Variants in NBPF8 observed in about 807,000 individuals in gnomAD.
NBPF8 encodes NBPF member 8.
At chr1:120,436,834 A>C (rs1458444185) in intron 1 of NBPF8, 137 bp downstream of exon 4, 2 of 566,344 alleles carry the variant, frequency 3.5e-6, no homozygotes, top group Non-Finnish European at 6.0e-6. Flanking sequence ...GTATTTTAAC[A>C]TTTTGTTAAA....
chr1:120,430,220 GTATT>G, intron 3 of NBPF8, among the ~76,000 whole-genome samples: 1 of 74,356 alleles, frequency 1.3e-5, no homozygotes. Flanking sequence ...AATTAATAAA[GTATT>G]GAAAAGAAAG....
intron 1 of NBPF8, among the ~76,000 whole-genome samples, chr1:120,420,792 T>C (rs1341847275): frequency 2.7e-5 from 4 of 148,994 alleles, no homozygotes; most frequent in Non-Finnish European, 3.0e-5. Context: ...GGGTGACTAT[T>C]AGGCACCATG....
At chr1:120,425,112 T>C (rs1229091438) in intron 1 of NBPF8, among the ~76,000 whole-genome samples, 8 of 151,478 alleles carry the variant, frequency 5.3e-5, no homozygotes, top group Non-Finnish European at 1.0e-4. Flanking sequence ...CATGTGATAG[T>C]CTGAAATACA....
At chr1:120,464,348 T>A in intron 22 of NBPF8, 28 bp from the exon 21 acceptor site, 1 of 786,342 alleles carries the variant, frequency 1.3e-6, no homozygotes, top group African/African-American at 2.0e-5. Flanking sequence ...TCCCCTGGCG[T>A]ATTCTTTACT....
At chr1:120,450,430 C>G (rs1469476322) in intron 11 of NBPF8, among the ~76,000 whole-genome samples, 8 of 151,896 alleles carry the variant, frequency 5.3e-5, no homozygotes, top group Non-Finnish European at 8.8e-5. Context: ...AGTTGCTTGT[C>G]TTGTCTGTCC....
At chr1:120,427,842 A>G (rs1660764073) in exon 3 of NBPF8, among the ~76,000 whole-genome samples, 1 of 146,584 alleles carries the variant, frequency 6.8e-6, no homozygotes, top group Non-Finnish European at 1.5e-5. Flanking sequence ...GAGCCTATGG[A>G]TCAAGGTGCG....
At chr1:120,468,884 C>T (rs1378321671), downstream of NBPF8, among the ~76,000 whole-genome samples, 7 of 151,594 alleles carry the variant, frequency 4.6e-5, no homozygotes, top group Non-Finnish European at 8.8e-5. Context: ...CGTGTGGCTC[C>T]CAGACCTGGC....
At chr1:120,423,009 A>T in intron 1 of NBPF8, among the ~76,000 whole-genome samples, 1 of 90,602 alleles carries the variant, frequency 1.1e-5, no homozygotes, top group African/African-American at 5.6e-5. Flanking sequence ...AGAATTCTTC[A>T]TATATTTTGG....
exon 25 of NBPF8, chr1:120,466,062 C>A (rs1281831788): frequency 6.2e-7 from 1 of 1,611,854 alleles, no homozygotes; most frequent in Non-Finnish European, 8.5e-7. Context: ...CATCAATGTA[C>A]TGTGAACTAC....
intron 15 of NBPF8, among the ~76,000 whole-genome samples, chr1:120,454,659 T>C (rs1366362764): frequency 0.011 from 1,551 of 141,482 alleles, 13 homozygotes; most frequent in Non-Finnish European, 0.017. Context: ...TTCTCCACCC[T>C]GTCAATGCAA....
chr1:120,455,086 C>T (rs1661399267), intron 15 of NBPF8, among the ~76,000 whole-genome samples: 1 of 149,134 alleles, frequency 6.7e-6, no homozygotes, highest in South Asian at 2.2e-4. Context: ...GATATAAGTC[C>T]ATATCGCAGC....
intron 22 of NBPF8, among the ~76,000 whole-genome samples, chr1:120,464,146 TG>T: frequency 2.1e-5 from 2 of 96,690 alleles, no homozygotes; most frequent in African/African-American, 1.2e-4. Flanking sequence ...TGTGTGTGTG[TG>T]TGTGTGTGTG....
At chr1:120,419,656 C>G (rs1294026299), upstream of NBPF8, among the ~76,000 whole-genome samples, 52 of 147,492 alleles carry the variant, frequency 3.5e-4, no homozygotes, top group African/African-American at 1.3e-3. Flanking sequence ...GAGATGGGGT[C>G]TTACTATGTT....
At chr1:120,424,487 C>T (rs1440070366) in intron 1 of NBPF8, among the ~76,000 whole-genome samples, 1 of 151,842 alleles carries the variant, frequency 6.6e-6, no homozygotes, top group Non-Finnish European at 1.5e-5. Flanking sequence ...TTTCTCTTTT[C>T]CTTGGGCTCA....
chr1:120,464,582 A>G, intron 23 of NBPF8, 34 bp downstream of exon 21: 1 of 779,302 alleles, frequency 1.3e-6, no homozygotes, highest in Non-Finnish European at 2.4e-6. Flanking sequence ...ATAAGGATCC[A>G]CTGAGTCTTC....
At chr1:120,416,742 T>A (rs1425408100), upstream of NBPF8, among the ~76,000 whole-genome samples, 10 of 151,728 alleles carry the variant, frequency 6.6e-5, no homozygotes, top group Non-Finnish European at 1.2e-4. Flanking sequence ...GGTATATGAA[T>A]GATAAAACTT....
upstream of NBPF8, among the ~76,000 whole-genome samples, chr1:120,435,877 A>AAAGTC (rs1243404123): frequency 6.6e-6 from 1 of 150,994 alleles, no homozygotes; most frequent in Non-Finnish European, 1.5e-5. Context: ...AAAAAATAAA[A>AAAGTC]AAGTCAAAAC....
intron 3 of NBPF8, among the ~76,000 whole-genome samples, chr1:120,428,860 G>T (rs1475067007): frequency 1.3e-5 from 2 of 151,648 alleles, no homozygotes; most frequent in Non-Finnish European, 2.9e-5. Context: ...TACAACTGTT[G>T]GAACAACAGT....
intron 3 of NBPF8, among the ~76,000 whole-genome samples, chr1:120,431,317 A>G: frequency 2.0e-5 from 2 of 99,296 alleles, no homozygotes; most frequent in Non-Finnish European, 3.9e-5. Flanking sequence ...ATCTCCAAAT[A>G]GGGAATATAT....
Sources: allele counts gnomAD v4.1 joint callset (sites outside exome capture counted in the v4.1 genomes callset), GRCh38; gene constraint gnomAD v4.1.1; transcripts MANE v1.5; gene names NCBI Gene and HGNC (gene_info 2026-07-23, HGNC 2026-07-21).